Variants in LMO7 observed in about 807,000 individuals in gnomAD.
The protein encoded by LMO7 is LIM domain 7.
Under a neutral mutation model 206.5 loss-of-function variants are expected in LMO7, and 120 were observed. That is an observed-to-expected ratio of 0.58 (90% confidence interval 0.50 to 0.68). LMO7 has a LOEUF of 0.68. Among genes scored for constraint, LMO7 ranks in the 30% least tolerant of loss-of-function variants. LMO7 has a pLI of 0.00. For missense variants in LMO7, 1,959 were observed against 1,957.9 expected (o/e 1.00, Z -0.01); for synonymous variants, 706 against 681.5 (o/e 1.04, Z -0.56).
chr13:75,821,575 C>G lies in LMO7; in HGVS notation c.2606C>G (p.Thr869Arg). The change falls in exon 14 of 31, where the codon ACA (threonine) becomes AGA (arginine). Residue 869 changes from threonine to arginine, a missense_variant. Physicochemically the swap from Thr to Arg is moderately conservative, Grantham distance 71. Transcript: ENST00000377534. ...VVTPRPFGSQ[T>R]RGISSLPRSY... ...ACACCAAGACCCTTTGGCTCTCAGACAAGGGGAATCTCATCACTCCCCAGA... is the reference window on the plus strand; with the variant it reads ...ACACCAAGACCCTTTGGCTCTCAGAGAAGGGGAATCTCATCACTCCCCAGA... 2.5e-6 allele frequency: 4 copies of G among 1,613,694 alleles called. No homozygotes were observed. Among genetic ancestry groups the G allele is most frequent in the Non-Finnish European group, 3.4e-6 (4 of 1,179,738 alleles).
chr13:75,700,832 C>T (rs1239120103), intron 1 of LMO7, among the ~76,000 whole-genome samples: 4 of 152,186 alleles, frequency 2.6e-5, no homozygotes, highest in Non-Finnish European at 2.9e-5. Context: ...AAACAATGCG[C>T]AATTTAAAAC....
chr13:75,650,210 A>C (rs1389321299), intron 1 of LMO7, among the ~76,000 whole-genome samples: 1 of 151,606 alleles, frequency 6.6e-6, no homozygotes, highest in Non-Finnish European at 1.5e-5. Flanking sequence ...GCTCACTGCA[A>C]CCTCCACCTC....
At chr13:75,665,318 AG>A (rs2038982228) in intron 1 of LMO7, among the ~76,000 whole-genome samples, 1 of 152,052 alleles carries the variant, frequency 6.6e-6, no homozygotes, top group Non-Finnish European at 1.5e-5. Context: ...TTTTTAAAAA[AG>A]GGTTATTTTC....
intron 11 of LMO7, among the ~76,000 whole-genome samples, chr13:75,813,508 G>C (rs1413564245): frequency 6.6e-6 from 1 of 152,196 alleles, no homozygotes; most frequent in Non-Finnish European, 1.5e-5. Flanking sequence ...TTCCTGGCTT[G>C]TTGCAGTGCC....
At chr13:75,637,516 T>C (rs1445673851) in intron 1 of LMO7, among the ~76,000 whole-genome samples, 1 of 152,234 alleles carries the variant, frequency 6.6e-6, no homozygotes, top group Non-Finnish European at 1.5e-5. Context: ...ACGCAAAAGA[T>C]GACTTTTAAA....
chr13:75,633,684 G>A (rs2035308136), upstream of LMO7, among the ~76,000 whole-genome samples: 1 of 152,128 alleles, frequency 6.6e-6, no homozygotes, highest in Admixed American at 6.5e-5. Flanking sequence ...TGCAATGGGT[G>A]GTCATGGATT....
chr13:75,852,981 A>C (rs2060614751), intron 27 of LMO7, 111 bp from the exon 28 acceptor site: 1 of 826,666 alleles, frequency 1.2e-6, no homozygotes, highest in South Asian at 1.8e-5. Flanking sequence ...ACTTAGATTA[A>C]TATCCACATA....
intron 2 of LMO7, among the ~76,000 whole-genome samples, chr13:75,714,178 G>C (rs2043334959): frequency 6.6e-6 from 1 of 152,106 alleles, no homozygotes; most frequent in Non-Finnish European, 1.5e-5. Context: ...AAAGGGCCTA[G>C]GTTAGATTTC....
intron 1 of LMO7, among the ~76,000 whole-genome samples, chr13:75,693,253 TAAAC>T (rs1488853091): frequency 6.6e-6 from 1 of 152,270 alleles, no homozygotes; most frequent in African/African-American, 2.4e-5. Flanking sequence ...AAGTGCTTAT[TAAAC>T]AACCACATTT....
At chr13:75,689,913 C>G (rs1566312965) in intron 1 of LMO7, among the ~76,000 whole-genome samples, 1 of 152,072 alleles carries the variant, frequency 6.6e-6, no homozygotes, top group Non-Finnish European at 1.5e-5. Context: ...TGAGTCAATA[C>G]TCCTTATTAA....
chr13:75,833,022 G>T (rs970043853), intron 15 of LMO7, 29 bp from the exon 16 acceptor site: 2 of 1,300,428 alleles, frequency 1.5e-6, no homozygotes, highest in Non-Finnish European at 2.2e-6. Context: ...AGGGACACCG[G>T]ATACCAGCGT....
chr13:75,635,023 C>CAA (rs3036377), upstream of LMO7, among the ~76,000 whole-genome samples: 21,456 of 147,390 alleles, frequency 0.15, 2,169 homozygotes, highest in Middle Eastern at 0.25. Context: ...CAAAACAAAA[C>CAA]AAAACAAAAC....
chr13:75,781,474 T>A (rs1447330606), intron 4 of LMO7, among the ~76,000 whole-genome samples: 2 of 151,834 alleles, frequency 1.3e-5, no homozygotes, highest in Non-Finnish European at 2.9e-5. Flanking sequence ...TTTTTATGGC[T>A]GCATAGTATT....
intron 15 of LMO7, among the ~76,000 whole-genome samples, chr13:75,827,969 C>T (rs1423375002): frequency 1.3e-5 from 2 of 152,200 alleles, no homozygotes; most frequent in Non-Finnish European, 2.9e-5. Context: ...TTCTCACCTT[C>T]ACTAGGACCT....
intron 9 of LMO7, 125 bp downstream of exon 9, chr13:75,805,885 CG>C (rs1170749277): frequency 8.7e-7 from 1 of 1,153,952 alleles, no homozygotes; most frequent in East Asian, 2.4e-5. Flanking sequence ...CTAGTATCTG[CG>C]GAACCTATAT....
rs191964984 is a variant in LMO7 at position 75,782,983 on chromosome 13, G to A, written c.318-12418G>A. 1.4e-4 allele frequency among the ~76,000 whole-genome samples: 21 copies of A among 152,324 alleles called. No homozygotes were observed. The East Asian group carries it at 3.7e-3, about 27-fold the overall frequency. On this transcript the variant is annotated intron_variant, in intron 4 of 30. Coordinates refer to ENST00000377534, the MANE Select transcript of LMO7 (RefSeq NM_001306080.2). ...ATTAGGAAGTAGACCTTGGTGGGGA[G>A]TGGGGTCATTATTCAACCTCCCACT...
At chr13:75,775,537 T>C (rs146812010) in intron 4 of LMO7, among the ~76,000 whole-genome samples, 79 of 152,058 alleles carry the variant, frequency 5.2e-4, no homozygotes, top group African/African-American at 1.8e-3. Context: ...ATGTATAATC[T>C]AAAAAATGGG....
At chr13:75,665,066 G>A (rs1295502321) in intron 1 of LMO7, among the ~76,000 whole-genome samples, 2 of 152,110 alleles carry the variant, frequency 1.3e-5, no homozygotes, top group Non-Finnish European at 2.9e-5. Flanking sequence ...GTGTGTATAT[G>A]TATATAGAAT....
At chr13:75,798,552 G>T (rs2054317634) in intron 6 of LMO7, among the ~76,000 whole-genome samples, 1 of 152,198 alleles carries the variant, frequency 6.6e-6, no homozygotes, top group African/African-American at 2.4e-5. Context: ...ACCTTATGGT[G>T]TATAAAACTA....
Sources: gnomAD v4.1 joint callset for allele counts (sites outside exome capture counted in the v4.1 genomes callset) on GRCh38, gnomAD v4.1.1 for gene constraint, MANE v1.5 for transcripts, NCBI Gene and HGNC (gene_info 2026-07-23, HGNC 2026-07-21) for gene names.